CTNNA2: variants seen among roughly 807,000 people sequenced by gnomAD.
The protein encoded by CTNNA2 is catenin alpha 2, also known as catenin alpha-2.
In CTNNA2, 42 loss-of-function variants were observed where a neutral mutation model predicts 101.0. The observed-to-expected ratio is 0.42, with a 90% CI of 0.32 to 0.54. The LOEUF (loss-of-function observed/expected upper bound fraction) is 0.54. CTNNA2 is among the 20% of genes least tolerant of loss of function. The pLI is 0.14. For synonymous variants in CTNNA2, 450 were observed against 456.4 expected (o/e 0.99, Z 0.18); for missense variants, 871 against 1,223.1 (o/e 0.71, Z 4.29).
At chr2:80,465,810 A>G (rs975707587) in intron 9 of CTNNA2, among the ~76,000 whole-genome samples, 13 of 152,174 alleles carry the variant, frequency 8.5e-5, no homozygotes, top group Middle Eastern at 3.4e-3. Context: ...CTCTTCATTT[A>G]TTTGTTTCGT....
rs189395367 is a variant in CTNNA2 at position 79,345,156 on chromosome 2, A to G, written c.-317-28675A>G. Among the ~76,000 whole-genome samples the G allele has an allele frequency of 1.1e-3, 171 of 151,760 alleles. 2 individuals carry two copies. Among genetic ancestry groups the G allele is most frequent in the Admixed American group, 9.7e-3 (148 of 15,232 alleles). ...AAATCAACAAATAAAACATTATAGT[A>G]TGATGATATCTTTCCAGAAGAGAAA... On this transcript the variant is annotated intron_variant, in intron 3 of 21. Transcript: ENST00000466387.
chr2:80,312,178 G>A (rs1321816663), intron 7 of CTNNA2, among the ~76,000 whole-genome samples: 4 of 152,182 alleles, frequency 2.6e-5, no homozygotes, highest in South Asian at 2.1e-4. Context: ...GGTGCTCATC[G>A]CAGATGGAAC....
At chr2:79,430,748 T>G (rs1480514739) in intron 4 of CTNNA2, among the ~76,000 whole-genome samples, 1 of 152,154 alleles carries the variant, frequency 6.6e-6, no homozygotes, top group Non-Finnish European at 1.5e-5. Flanking sequence ...TTGAAATGCC[T>G]AAGGAAGGTA....
intron 4 of CTNNA2, among the ~76,000 whole-genome samples, chr2:79,420,137 G>T (rs1678525695): frequency 6.6e-6 from 1 of 152,082 alleles, no homozygotes; most frequent in Non-Finnish European, 1.5e-5. Flanking sequence ...ATGACTCTGG[G>T]TCCCTGGAAA....
At chr2:80,259,690 A>G (rs1672447438) in intron 7 of CTNNA2, among the ~76,000 whole-genome samples, 1 of 152,184 alleles carries the variant, frequency 6.6e-6, no homozygotes, top group South Asian at 2.1e-4. Flanking sequence ...CTCAATCAAG[A>G]CATCTAATCT....
chr2:79,744,628 G>A lies in CTNNA2; in HGVS notation c.298+46G>A, dbSNP rs769137882. 9 of 1,486,770 alleles carry A rather than the reference G, an allele frequency of 6.1e-6. No homozygotes were observed. In the Admixed American group the frequency reaches 1.1e-4, roughly 19 times the overall value. The allele number at this position is 1,486,770 out of a possible 1,614,324, so 92.1% of individuals were successfully genotyped here. A position where few individuals can be genotyped will look rare whatever the true frequency, so the allele number is the denominator to read the frequency against. On this transcript the variant is annotated intron_variant, in intron 3 of 18. Transcript: ENST00000402739. ...GTTCAAGGCGGATCTATACTGATGT[G>A]CAAACAATGGCTTTTTCTTTAGAAT... is the stretch of plus-strand genomic sequence containing the variant.
chr2:79,586,305 T>C (rs1205712112), intron 1 of CTNNA2, among the ~76,000 whole-genome samples: 1 of 152,114 alleles, frequency 6.6e-6, no homozygotes, highest in Admixed American at 6.5e-5. Flanking sequence ...AACTCTGCCC[T>C]CCCTTCTTAT....
chr2:80,140,963 T>C (rs564324756), intron 7 of CTNNA2, among the ~76,000 whole-genome samples: 3 of 152,254 alleles, frequency 2.0e-5, no homozygotes, highest in Admixed American at 6.5e-5. Context: ...CCCAAATGCT[T>C]CATGATTCAG....
intron 2 of CTNNA2, among the ~76,000 whole-genome samples, chr2:79,294,995 ATGTGTGTG>A (rs71385265): frequency 1.3e-5 from 2 of 150,530 alleles, no homozygotes; most frequent in Non-Finnish European, 3.0e-5. Context: ...GTGTGAGTTC[ATGTGTGTG>A]TGTGTGTGTG....
At position 80,615,823 on chromosome 2, in the gene CTNNA2, A is replaced by G. The variant is rs146940497; in HGVS notation, c.2431-3262A>G. Among the ~76,000 whole-genome samples, 312 of 151,750 alleles carry G rather than the reference A, an allele frequency of 2.1e-3. 1 individual carries two copies. The highest frequency in any genetic ancestry group is 7.4e-3 in the African/African-American group (305 of 41,490). On this transcript the variant is annotated intron_variant, in intron 17 of 18. Transcript: ENST00000402739. Reference sequence around the variant, plus strand: ...ACTTTATGGCCCATGTATCTTACAAATAAGAAAGTTTCCGGATGGGCAATG... The same window carrying G: ...ACTTTATGGCCCATGTATCTTACAAGTAAGAAAGTTTCCGGATGGGCAATG...
At chr2:79,987,549 C>T (rs1691854898) in intron 7 of CTNNA2, among the ~76,000 whole-genome samples, 1 of 152,108 alleles carries the variant, frequency 6.6e-6, no homozygotes. Context: ...TACTTTGACA[C>T]ATACTGGGAC....
At chr2:79,374,001 G>C (rs1025969403) in exon 4 of CTNNA2, 3 of 152,120 alleles carry the variant, frequency 2.0e-5, no homozygotes, top group Admixed American at 1.3e-4. Flanking sequence ...ATGTCATCTG[G>C]CTGAACCTAA....
rs1480988675 is a variant in CTNNA2 at position 80,372,364 on chromosome 2, G to A, written c.1057-20847G>A. Among the ~76,000 whole-genome samples, 24 of 149,656 alleles carry A rather than the reference G, an allele frequency of 1.6e-4. 1 individual carries two copies. The Admixed American group carries it at 1.6e-3, about 10-fold the overall frequency. On this transcript the variant is annotated intron_variant, in intron 7 of 18. Transcript: ENST00000402739. ...TCCCCATGCAAGCTCCATTTTTAGA[G>A]AAGTTTTTTTTTTTTTTTTAAGCTG... is the stretch of plus-strand genomic sequence containing the variant.
At chr2:80,592,686 T>A (rs916090141) in intron 15 of CTNNA2, among the ~76,000 whole-genome samples, 2 of 150,580 alleles carry the variant, frequency 1.3e-5, no homozygotes, top group African/African-American at 4.9e-5. Context: ...TATGGTTCGA[T>A]ACATTTGCAA....
chr2:79,510,034 A>C (rs1671501656), upstream of CTNNA2, among the ~76,000 whole-genome samples: 1 of 152,206 alleles, frequency 6.6e-6, no homozygotes, highest in African/African-American at 2.4e-5. Context: ...ATGAATAAGC[A>C]ATACAGAAAA....
chr2:79,875,698 A>G (rs1273813116), intron 6 of CTNNA2, among the ~76,000 whole-genome samples: 1 of 152,102 alleles, frequency 6.6e-6, no homozygotes, highest in Admixed American at 6.5e-5. Context: ...ACAGTTAGTT[A>G]TATGTATCTC....
At chr2:80,625,188 G>A (rs1160647658) in intron 18 of CTNNA2, among the ~76,000 whole-genome samples, 2 of 151,956 alleles carry the variant, frequency 1.3e-5, no homozygotes, top group Non-Finnish European at 2.9e-5. Context: ...ATGAAACTGG[G>A]CAACATTCTT....
chr2:80,093,634 G>T (rs1197254899), intron 7 of CTNNA2, among the ~76,000 whole-genome samples: 5 of 151,920 alleles, frequency 3.3e-5, no homozygotes, highest in Admixed American at 1.3e-4. Flanking sequence ...GAGTAAAAGT[G>T]TTCCTATTTC....
chr2:79,420,410 A>G (rs1336742686), intron 4 of CTNNA2, among the ~76,000 whole-genome samples: 3 of 152,172 alleles, frequency 2.0e-5, no homozygotes, highest in Non-Finnish European at 4.4e-5. Flanking sequence ...CAAAAATAAC[A>G]TTGTACATAT....
Sources: allele counts gnomAD v4.1 joint callset (sites outside exome capture counted in the v4.1 genomes callset), GRCh38; gene constraint gnomAD v4.1.1; transcripts MANE v1.5; gene names NCBI Gene and HGNC (gene_info 2026-07-23, HGNC 2026-07-21).